Variants in GABRB1 observed in about 807,000 individuals in gnomAD.
The protein encoded by GABRB1 is gamma-aminobutyric acid receptor subunit beta-1.
In GABRB1, 17 loss-of-function variants were observed where a neutral mutation model predicts 51.6. That is an observed-to-expected ratio of 0.33 (90% CI 0.23 to 0.49). GABRB1 has a LOEUF of 0.49. Ranked by LOEUF, GABRB1 falls within the 20% of genes least tolerant of loss-of-function variation. GABRB1 has a pLI of 0.99. For missense variants in GABRB1, 410 were observed against 600.6 expected (o/e 0.68, Z 3.32); for synonymous variants, 247 against 218.9 (o/e 1.13, Z -1.14).
chr4:47,250,349 G>C (rs2109862322), intron 4 of GABRB1, among the ~76,000 whole-genome samples: 1 of 152,228 alleles, frequency 6.6e-6, no homozygotes, highest in East Asian at 1.9e-4. Flanking sequence ...TTCCTTTATA[G>C]GTTACCTGGA....
intron 1 of GABRB1, among the ~76,000 whole-genome samples, chr4:47,014,475 C>T (rs1229690403): frequency 6.6e-6 from 1 of 151,954 alleles, no homozygotes. Flanking sequence ...TTTTCCTCTC[C>T]TACACTTTTA....
At chr4:47,104,533 T>C (rs1206201630) in intron 3 of GABRB1, among the ~76,000 whole-genome samples, 1 of 151,042 alleles carries the variant, frequency 6.6e-6, no homozygotes, top group African/African-American at 2.4e-5. Flanking sequence ...TCTCTCTCTT[T>C]TCTTTTATCC....
At chr4:47,315,079 T>C (rs1304420241) in intron 4 of GABRB1, among the ~76,000 whole-genome samples, 1 of 151,656 alleles carries the variant, frequency 6.6e-6, no homozygotes, top group Non-Finnish European at 1.5e-5. Flanking sequence ...TAGAATGTTG[T>C]TCATCAACAG....
In GABRB1 at chr4:47,032,404, A is replaced by T. The variant is rs200534766; in HGVS notation, c.173-13A>T. On this transcript the variant is annotated splice_polypyrimidine_tract_variant and intron_variant, in intron 2 of 8. Transcript: ENST00000295454. ...AGAGAATCTGTTCCTAATGTGGCCC[A>T]CCTCCCCGGCAGGGCCCCCCGTCGA... 2.0e-4 allele frequency: 309 copies of T among 1,573,996 alleles called. 3 individuals are homozygous for T. In the South Asian group the frequency reaches 3.3e-3, roughly 17 times the overall value.
chr4:47,345,002 C>T (rs1370315847), intron 5 of GABRB1, among the ~76,000 whole-genome samples: 4 of 152,064 alleles, frequency 2.6e-5, no homozygotes, highest in Admixed American at 2.0e-4. Flanking sequence ...GGATTACAGC[C>T]GTGAGCCACT....
chr4:47,028,228 A>G (rs1437079994), upstream of GABRB1, among the ~76,000 whole-genome samples: 1 of 151,798 alleles, frequency 6.6e-6, no homozygotes. Context: ...TTTATGGGGT[A>G]CATGAGATGT....
At chr4:47,088,513 G>T (rs376006650) in intron 3 of GABRB1, among the ~76,000 whole-genome samples, 3 of 152,308 alleles carry the variant, frequency 2.0e-5, no homozygotes, top group East Asian at 3.9e-4. Flanking sequence ...TGTTTGCACA[G>T]TCAGGCTTAG....
At chr4:47,418,519 C>T (rs746962397) in intron 8 of GABRB1, among the ~76,000 whole-genome samples, 1 of 152,168 alleles carries the variant, frequency 6.6e-6, no homozygotes, top group African/African-American at 2.4e-5. Context: ...ATGCCAATCA[C>T]ATCTACAAAA....
chr4:47,154,262 T>TA (rs200517048), intron 3 of GABRB1, among the ~76,000 whole-genome samples: 1 of 151,402 alleles, frequency 6.6e-6, no homozygotes, highest in South Asian at 2.1e-4. Context: ...TGGTTGTTTT[T>TA]TTTTTTTTTT....
Position 47,378,374 on chromosome 4 carries a change from AC to A in GABRB1, c.545-24941del, listed in dbSNP as rs567893979. Reference sequence around the variant, plus strand: ...TGCGGGGCTTGCCAAGCCCACACCCACCCGGAACTCGTGCTGGCCCGCAAGC... The same window carrying A: ...TGCGGGGCTTGCCAAGCCCACACCCACCGGAACTCGTGCTGGCCCGCAAGC... On this transcript the variant is annotated intron_variant, in intron 5 of 8. Coordinates refer to ENST00000295454, the MANE Select transcript of GABRB1 (RefSeq NM_000812.4). Among the ~76,000 whole-genome samples the A allele has an allele frequency of 3.9e-5, 6 of 152,134 alleles. No individual in the cohort carries two copies. The South Asian group carries it at 1.2e-3, about 32-fold the overall frequency.
intron 5 of GABRB1, among the ~76,000 whole-genome samples, chr4:47,321,129 C>T (rs1429713644): frequency 1.3e-5 from 2 of 152,084 alleles, no homozygotes; most frequent in African/African-American, 2.4e-5. Context: ...TCTTGGTTTT[C>T]AGAGGTGCAA....
intron 5 of GABRB1, among the ~76,000 whole-genome samples, chr4:47,333,717 C>T (rs548392202): frequency 6.6e-6 from 1 of 151,888 alleles, no homozygotes; most frequent in African/African-American, 2.4e-5. Flanking sequence ...CATCATCACC[C>T]CACCCCCCCA....
intron 5 of GABRB1, among the ~76,000 whole-genome samples, chr4:47,363,683 T>A (rs1216659163): frequency 6.6e-6 from 1 of 152,202 alleles, no homozygotes; most frequent in Non-Finnish European, 1.5e-5. Flanking sequence ...GACTAGAGGA[T>A]ACTTTTGTAT....
At chr4:47,064,641 C>CAAAAAAAAA (rs33963952) in intron 3 of GABRB1, among the ~76,000 whole-genome samples, 1 of 58,218 alleles carries the variant, frequency 1.7e-5, no homozygotes, top group Non-Finnish European at 3.1e-5. Context: ...GACTCCATCT[C>CAAAAAAAAA]AAAAAAAAAA....
chr4:47,117,681 T>A (rs1056553965), intron 3 of GABRB1, among the ~76,000 whole-genome samples: 1 of 152,238 alleles, frequency 6.6e-6, no homozygotes, highest in African/African-American at 2.4e-5. Flanking sequence ...AACTAAAATG[T>A]ATTTTTATGT....
chr4:47,174,900 C>T (rs1439058842), intron 4 of GABRB1, among the ~76,000 whole-genome samples: 2 of 141,076 alleles, frequency 1.4e-5, no homozygotes, highest in Non-Finnish European at 3.1e-5. Flanking sequence ...TTCCTTCCTT[C>T]CTTCCTTCTT....
intron 3 of GABRB1, among the ~76,000 whole-genome samples, chr4:47,056,689 A>T (rs938236513): frequency 2.6e-5 from 4 of 152,208 alleles, no homozygotes; most frequent in Non-Finnish European, 4.4e-5. Context: ...CTACAAAAAA[A>T]AGGAAAGGAT....
chr4:47,036,766 G>A (rs143093149), intron 3 of GABRB1, among the ~76,000 whole-genome samples: 5 of 152,002 alleles, frequency 3.3e-5, no homozygotes, highest in Non-Finnish European at 7.4e-5. Context: ...GGAAGCTGAG[G>A]CATGAGAATC....
intron 3 of GABRB1, among the ~76,000 whole-genome samples, chr4:47,064,655 A>G (rs901094928): frequency 8.6e-5 from 13 of 151,618 alleles, no homozygotes; most frequent in Admixed American, 7.9e-4. Context: ...AAAAAAAAAA[A>G]AAAAAAAAGA....
Sources: allele counts gnomAD v4.1 joint callset (sites outside exome capture counted in the v4.1 genomes callset), GRCh38; gene constraint gnomAD v4.1.1; transcripts MANE v1.5; gene names NCBI Gene and HGNC (gene_info 2026-07-23, HGNC 2026-07-21).